Variants in AKAP13 observed in about 807,000 individuals in gnomAD.
AKAP13 encodes the protein A-kinase anchoring protein 13.
In AKAP13, 80 loss-of-function variants were observed where a neutral mutation model predicts 264.5. That is an observed-to-expected ratio of 0.30 (90% CI 0.25 to 0.36). The LOEUF is 0.36. Among genes scored for constraint, AKAP13 ranks in the 10% least tolerant of loss-of-function variants. The pLI is 1.00. For synonymous variants in AKAP13, 1,380 were observed against 1,250.2 expected, an observed-to-expected ratio of 1.10 and a Z score of -2.19; for missense variants, 3,712 against 3,435.2, an observed-to-expected ratio of 1.08 and a Z score of -2.01.
chr15:85,642,684 G>C (rs541539537), intron 9 of AKAP13, among the ~76,000 whole-genome samples: 1 of 152,304 alleles, frequency 6.6e-6, no homozygotes, highest in East Asian at 1.9e-4. Flanking sequence ...TCCCAAACTT[G>C]GTTTGTTATC....
chr15:85,734,587 C>G (rs553790729), intron 30 of AKAP13, among the ~76,000 whole-genome samples: 62 of 152,334 alleles, frequency 4.1e-4, no homozygotes, highest in Admixed American at 1.8e-3. Context: ...TTAGACTACT[C>G]TAGCCCCTTG....
At chr15:85,597,547 G>C (rs1048415957) in intron 8 of AKAP13, among the ~76,000 whole-genome samples, 4 of 152,206 alleles carry the variant, frequency 2.6e-5, no homozygotes, top group Non-Finnish European at 4.4e-5. Context: ...GAAGGATACA[G>C]CTGAATGTGT....
chr15:85,613,713 T>TATATATATGTATGTATATATATATATA (rs1254657975), intron 8 of AKAP13, among the ~76,000 whole-genome samples: 1 of 110,984 alleles, frequency 9.0e-6, no homozygotes, highest in Non-Finnish European at 1.9e-5. Context: ...TATATATATA[T>TATATATATGTATGTATATATATATATA]TAGGAGTGCT....
intron 1 of AKAP13, among the ~76,000 whole-genome samples, chr15:85,445,422 A>G (rs557745226): frequency 6.6e-6 from 1 of 152,216 alleles, no homozygotes; most frequent in Admixed American, 6.5e-5. Flanking sequence ...AAACCCATAC[A>G]TCTTAGGATT....
chr15:85,744,239 G>T, intron 36 of AKAP13: 1 of 301,864 alleles, frequency 3.3e-6, no homozygotes, highest in Non-Finnish European at 6.2e-6. Flanking sequence ...GGCTCACAGA[G>T]GCTAACTAAT....
chr15:85,483,401 T>G (rs921952321), intron 1 of AKAP13, among the ~76,000 whole-genome samples: 7 of 151,514 alleles, frequency 4.6e-5, no homozygotes, highest in Non-Finnish European at 1.0e-4. Flanking sequence ...CCGAGGCGGG[T>G]GGATCATGAG....
chr15:85,741,332 A>G lies in AKAP13; in HGVS notation c.7895A>G (p.Asp2632Gly), dbSNP rs2088951129. ...GAGGAGGTGCAGCAGGGGCAGCAGG[A>G]CCTGGAAAAGGAGCGGGAGGAGCTC... is the stretch of plus-strand genomic sequence containing the variant. ...REEEVQQGQQ[D>G]LEKEREELQQ... is the part of the protein sequence containing the mutation. The change falls in exon 35 of 37, where the codon GAC (aspartate) becomes GGC (glycine). Residue 2632 changes from aspartate (D) to glycine (G), a missense_variant. Physicochemically the swap from Asp to Gly is moderately conservative, Grantham distance 94 (BLOSUM62 -1). Around this residue, in one of 3 missense-constraint regions of AKAP13, gnomAD observed 611 missense variants for 539.3 expected, o/e 1.13. Coordinates refer to ENST00000394518, the MANE Select transcript of AKAP13 (RefSeq NM_007200.5). The G allele has an allele frequency of 1.9e-6, 3 of 1,613,528 alleles. No homozygotes were observed. Among genetic ancestry groups the G allele is most frequent in the Non-Finnish European group, 2.5e-6 (3 of 1,179,836 alleles).
chr15:85,580,705 A>G lies in AKAP13; in HGVS notation c.2637A>G (p.Ala879=), dbSNP rs1389301805. 1 of 1,614,062 alleles carries G rather than the reference A, an allele frequency of 6.2e-7. No individual in the cohort carries two copies. The highest frequency in any genetic ancestry group is 1.3e-5 in the African/African-American group (1 of 74,934). Residue 879 remains alanine (A), a synonymous_variant, in exon 7 of 37, where the codon GCA becomes GCG. Coordinates refer to ENST00000394518, the MANE Select transcript of AKAP13 (RefSeq NM_007200.5). ...AGCATGAGGGTCCCGCCCCTCCAGC[A>G]ATCCCAGAAGCTCTGAATATCAAGG... is the stretch of plus-strand genomic sequence containing the variant. ...GGEHEGPAPP[A]IPEALNIKGN...
chr15:85,587,262 G>C (rs1234806503), intron 8 of AKAP13, among the ~76,000 whole-genome samples: 1 of 152,190 alleles, frequency 6.6e-6, no homozygotes, highest in African/African-American at 2.4e-5. Context: ...TAGATAGTAC[G>C]TAAACTGCCC....
At chr15:85,589,278 A>G (rs181932672) in intron 8 of AKAP13, among the ~76,000 whole-genome samples, 6 of 152,176 alleles carry the variant, frequency 3.9e-5, no homozygotes, top group Non-Finnish European at 5.9e-5. Context: ...TGTGGGACAT[A>G]TGGTCTCTTA....
chr15:85,445,709 G>A (rs1225369838), intron 1 of AKAP13, among the ~76,000 whole-genome samples: 1 of 102,716 alleles, frequency 9.7e-6, no homozygotes, highest in Non-Finnish European at 2.0e-5. Context: ...TTTAATTAAG[G>A]CACAAACAGA....
At chr15:85,691,420 T>A (rs555688864) in intron 16 of AKAP13, among the ~76,000 whole-genome samples, 6 of 152,326 alleles carry the variant, frequency 3.9e-5, no homozygotes, top group Non-Finnish European at 7.4e-5. Context: ...CTGCTTTAGA[T>A]ATTTCATTAA....
chr15:85,399,515 AAAAAAAAT>A (rs1567038584), intron 1 of AKAP13, among the ~76,000 whole-genome samples: 3 of 120,138 alleles, frequency 2.5e-5, no homozygotes, highest in Non-Finnish European at 3.5e-5. Context: ...AAAAAAAAAA[AAAAAAAAT>A]AAAAAAATAA....
chr15:85,508,832 A>G (rs1313245931), intron 2 of AKAP13, among the ~76,000 whole-genome samples: 1 of 152,078 alleles, frequency 6.6e-6, no homozygotes, highest in Non-Finnish European at 1.5e-5. Flanking sequence ...TGCACTCGAT[A>G]TATTCCCTTT....
At chr15:85,460,003 C>T (rs1423516650) in intron 1 of AKAP13, among the ~76,000 whole-genome samples, 2 of 152,214 alleles carry the variant, frequency 1.3e-5, no homozygotes, top group African/African-American at 4.8e-5. Flanking sequence ...ATCAGGACAG[C>T]TGCAGTAGCC....
intron 29 of AKAP13, among the ~76,000 whole-genome samples, chr15:85,730,232 C>T (rs1235434235): frequency 6.6e-6 from 1 of 152,168 alleles, no homozygotes; most frequent in Non-Finnish European, 1.5e-5. Flanking sequence ...GAGTAGTGGG[C>T]TGAGAAGTAA....
intron 26 of AKAP13, 135 bp from the exon 27 acceptor site, chr15:85,726,275 T>A (rs2087611085): frequency 1.7e-6 from 1 of 603,738 alleles, no homozygotes; most frequent in Non-Finnish European, 2.9e-6. Flanking sequence ...TGGAGGAGTG[T>A]GATCTCAGAT....
At chr15:85,595,866 C>T (rs73452456) in intron 8 of AKAP13, among the ~76,000 whole-genome samples, 6,266 of 152,100 alleles carry the variant, frequency 0.041, 427 homozygotes, top group African/African-American at 0.14. Context: ...TAAAATTTAC[C>T]ACAGAATATG....
Position 85,416,400 on chromosome 15 carries a change from G to T in AKAP13, c.-12+35602G>T, listed in dbSNP as rs370036334. Among the ~76,000 whole-genome samples, 22 of 152,278 alleles carry T rather than the reference G, an allele frequency of 1.4e-4. No homozygotes were observed. In the East Asian group the frequency reaches 3.7e-3, roughly 25 times the overall value. ...TGTGGTGGACTGGTGCTTTTGTTAAGTCTGGTTTTTTTCCTCCCTGCTGGT... is the reference window on the plus strand; with the variant it reads ...TGTGGTGGACTGGTGCTTTTGTTAATTCTGGTTTTTTTCCTCCCTGCTGGT... On this transcript the variant is annotated intron_variant, in intron 1 of 36. Coordinates refer to ENST00000394518, the MANE Select transcript of AKAP13 (RefSeq NM_007200.5).
Sources: gnomAD v4.1 joint callset for allele counts (sites outside exome capture counted in the v4.1 genomes callset) on GRCh38, gnomAD v4.1.1 for gene constraint, gnomAD v4.1.1 regional missense constraint, MANE v1.5 for transcripts, NCBI Gene and HGNC (gene_info 2026-07-23, HGNC 2026-07-21) for gene names.